The following SFI1 variants were observed in gnomAD, a reference collection of about 807,000 sequenced individuals.
SFI1 encodes the protein protein SFI1 homolog.
SFI1 carries 195 observed loss-of-function variants against 207.5 expected under a neutral mutation model. That is an observed-to-expected ratio of 0.94 (90% confidence interval 0.84 to 1.06). SFI1 has a LOEUF of 1.06. Ranked by LOEUF, SFI1 falls within the 50% of genes least tolerant of loss-of-function variation. The probability of loss-of-function intolerance (pLI) is 0.00; values close to 1 mark genes in which losing one functional copy is unlikely to be tolerated. For missense variants in SFI1, 1,634 were observed against 1,588.0 expected, an observed-to-expected ratio of 1.03 and a Z score of -0.49; for synonymous variants, 630 against 598.9, an observed-to-expected ratio of 1.05 and a Z score of -0.76.
intron 17 of SFI1, among the ~76,000 whole-genome samples, 195 bp downstream of exon 17, chr22:31,602,980 C>T (rs1160355562): frequency 6.6e-6 from 1 of 152,244 alleles, no homozygotes; most frequent in Non-Finnish European, 1.5e-5. Flanking sequence ...CGCCTGTAAT[C>T]CCAGCACTTT....
intron 27 of SFI1, chr22:31,614,541 A>C: frequency 3.0e-6 from 2 of 677,574 alleles, no homozygotes; most frequent in Middle Eastern, 4.7e-4. Flanking sequence ...CCTGTACACC[A>C]GCGTCACCAG....
At chr22:31,615,437 C>G in intron 29 of SFI1, 158 bp downstream of exon 29, 1 of 589,024 alleles carries the variant, frequency 1.7e-6, no homozygotes, top group Non-Finnish European at 2.7e-6. Flanking sequence ...CACACCAGGT[C>G]CAAGGGCCAC....
chr22:31,552,830 A>C (rs1206455220), intron 6 of SFI1, among the ~76,000 whole-genome samples: 1 of 151,728 alleles, frequency 6.6e-6, no homozygotes, highest in Non-Finnish European at 1.5e-5. Flanking sequence ...CGTGCATGCC[A>C]ACATCTGTTA....
rs1440870361 is a variant in SFI1, at chr22:31,575,104, G to A, written c.923-127G>A. Reference sequence around the variant, plus strand: ...TTAGTGCGTGTGTGTGTGTGTGTGTGTGTGTGTGTGTGTGTGTGGCCTTGA... The same window carrying A: ...TTAGTGCGTGTGTGTGTGTGTGTGTATGTGTGTGTGTGTGTGTGGCCTTGA... On this transcript the variant is annotated intron_variant, in intron 9 of 32. Coordinates refer to ENST00000400288, the MANE Select transcript of SFI1 (RefSeq NM_001007467.3). The A allele has an allele frequency of 1.8e-5, 8 of 439,570 alleles. 1 individual carries two copies. In the Admixed American group the frequency reaches 2.0e-4, roughly 11 times the overall value. 27.2% of individuals were successfully genotyped at this position (439,570 alleles called of 1,614,324 possible).
intron 9 of SFI1, 110 bp from the exon 10 acceptor site, chr22:31,575,116 GTGTGT>G: frequency 1.6e-6 from 1 of 613,246 alleles, no homozygotes; most frequent in Non-Finnish European, 2.6e-6. Flanking sequence ...GTGTGTGTGT[GTGTGT>G]GGCCTTGAAC....
intron 5 of SFI1, among the ~76,000 whole-genome samples, chr22:31,547,456 A>G (rs901015441): frequency 3.9e-5 from 6 of 152,112 alleles, no homozygotes; most frequent in Admixed American, 3.3e-4. Context: ...GATTACAGGC[A>G]TGTGCCATCA....
At position 31,575,199 on chromosome 22, in the gene SFI1, G is replaced by A. The variant is rs747951066; in HGVS notation, c.923-32G>A. ...TGTTTCCAGCTCATCTAACCTTAGGGGAGTAGCACTTAAGTTATTTCTCTG... is the reference window on the plus strand; with the variant it reads ...TGTTTCCAGCTCATCTAACCTTAGGAGAGTAGCACTTAAGTTATTTCTCTG... On this transcript the variant is annotated intron_variant, in intron 9 of 32. Transcript: ENST00000400288. 2.5e-6 allele frequency: 4 copies of A among 1,575,044 alleles called. No individual in the cohort carries two copies. In the South Asian group the frequency reaches 3.6e-5, roughly 14 times the overall value.
intron 19 of SFI1, chr22:31,604,622 T>C (rs1354385885): frequency 3.4e-6 from 2 of 590,586 alleles, no homozygotes; most frequent in East Asian, 6.0e-5. Flanking sequence ...GTACTAGCCT[T>C]GTAGCGAAAG....
intron 13 of SFI1, among the ~76,000 whole-genome samples, chr22:31,584,742 C>T (rs1401391667): frequency 6.6e-6 from 1 of 151,970 alleles, no homozygotes; most frequent in Non-Finnish European, 1.5e-5. Context: ...GTCGTGGACC[C>T]CCAGCGTTTG....
At chr22:31,537,248 G>A (rs1357600462) in intron 4 of SFI1, among the ~76,000 whole-genome samples, 1 of 152,152 alleles carries the variant, frequency 6.6e-6, no homozygotes, top group Non-Finnish European at 1.5e-5. Context: ...TAAGGGTGGC[G>A]TCAGTTTGAT....
At chr22:31,580,191 C>G in intron 11 of SFI1, 81 bp from the exon 12 acceptor site, 1 of 1,044,650 alleles carries the variant, frequency 9.6e-7, no homozygotes, top group Non-Finnish European at 1.5e-6. Flanking sequence ...ATTTGAGGCA[C>G]TGTTTGCCTT....
intron 8 of SFI1, among the ~76,000 whole-genome samples, chr22:31,561,778 T>C (rs1224994023): frequency 6.6e-6 from 1 of 152,242 alleles, no homozygotes; most frequent in South Asian, 2.1e-4. Flanking sequence ...CTTCCTTTTC[T>C]TTATAGTTTT....
intron 15 of SFI1, among the ~76,000 whole-genome samples, chr22:31,595,954 T>C (rs2067039129): frequency 6.6e-6 from 1 of 152,148 alleles, no homozygotes; most frequent in Non-Finnish European, 1.5e-5. Flanking sequence ...CAGTCATCTT[T>C]AATCTGGAGG....
intron 6 of SFI1, among the ~76,000 whole-genome samples, chr22:31,551,288 C>T (rs2060598195): frequency 1.3e-5 from 2 of 152,096 alleles, no homozygotes; most frequent in Non-Finnish European, 2.9e-5. Context: ...TGCTTTGCAC[C>T]CTCTGCCCTT....
chr22:31,594,175 G>A (rs1383267995), intron 15 of SFI1, among the ~76,000 whole-genome samples: 2 of 152,292 alleles, frequency 1.3e-5, no homozygotes, highest in East Asian at 1.9e-4. Context: ...ACATTCTTAA[G>A]TGTCATTTCC....
chr22:31,618,504 T>G lies in SFI1; in HGVS notation c.*86T>G, dbSNP rs1458804207. On this transcript the variant is annotated 3_prime_UTR_variant, in exon 33 of 33. Transcript: ENST00000400288. ...AACAGAACACAGTTTTAAGTTTGAT[T>G]TTTTTTATTTCAAAATGCTTTGCAA... 1 of 1,283,898 alleles carries G rather than the reference T, an allele frequency of 7.8e-7. No individual in the cohort carries two copies. Among genetic ancestry groups the G allele is most frequent in the African/African-American group, 1.5e-5 (1 of 66,424 alleles). 79.5% of individuals were successfully genotyped at this position (1,283,898 alleles called of 1,614,324 possible).
chr22:31,582,418 A>G (rs2064450214), intron 12 of SFI1, among the ~76,000 whole-genome samples: 1 of 148,908 alleles, frequency 6.7e-6, no homozygotes, highest in Non-Finnish European at 1.5e-5. Context: ...CGCCTGGCCA[A>G]TTTTTGTATT....
intron 12 of SFI1, among the ~76,000 whole-genome samples, chr22:31,582,513 A>G (rs2064466236): frequency 6.6e-6 from 1 of 151,494 alleles, no homozygotes. Context: ...CGGCCTCCCA[A>G]AGTGTTGGGA....
rs2147552415 is a variant in SFI1 at position 31,535,854 on chromosome 22, T to C, written c.338+4725T>C. Among the ~76,000 whole-genome samples the C allele has an allele frequency of 2.0e-5, 3 of 152,250 alleles. No individual in the cohort carries two copies. In the South Asian group the frequency reaches 6.2e-4, roughly 32 times the overall value. On this transcript the variant is annotated intron_variant, in intron 4 of 32. Transcript: ENST00000400288. ...TGGGCTCAATTAATCCTTCTGCCTC[T>C]GCCTCCCAAGTAGCTGAGACTGTAG...
Sources: allele counts gnomAD v4.1 joint callset (sites outside exome capture counted in the v4.1 genomes callset), GRCh38; gene constraint gnomAD v4.1.1; transcripts MANE v1.5; gene names NCBI Gene and HGNC (gene_info 2026-07-23, HGNC 2026-07-21).